CLN8: variants seen among roughly 807,000 people sequenced by gnomAD.
CLN8 encodes the protein protein CLN8.
Under a neutral mutation model 15.7 loss-of-function variants are expected in CLN8, and 14 were observed. That is an observed-to-expected ratio of 0.89 (90% CI 0.59 to 1.39). The LOEUF (loss-of-function observed/expected upper bound fraction) is 1.39. Among genes scored for constraint, CLN8 ranks in the 40% most tolerant of loss-of-function variants. The probability of loss-of-function intolerance (pLI) is 0.00; values close to 1 mark genes in which losing one functional copy is unlikely to be tolerated. For synonymous variants in CLN8, 188 were observed against 151.0 expected, an observed-to-expected ratio of 1.25 and a Z score of -1.80; for missense variants, 415 against 364.0, an observed-to-expected ratio of 1.14 and a Z score of -1.14.
upstream of CLN8, chr8:1,760,376 A>T (rs1800764663): frequency 6.6e-6 from 1 of 152,218 alleles, no homozygotes; most frequent in South Asian, 2.1e-4. Context: ...GGGAGTACAC[A>T]GGCTGTAAAC....
chr8:1,782,266 T>A lies in CLN8; in HGVS notation c.*1699T>A, dbSNP rs1318721599. 1 of 152,106 alleles carries A rather than the reference T, an allele frequency of 6.6e-6. No individual in the cohort carries two copies. Among genetic ancestry groups the A allele is most frequent in the African/African-American group, 2.4e-5 (1 of 41,400 alleles). 9.4% of individuals were successfully genotyped at this position (152,106 alleles called of 1,614,324 possible). On this transcript the variant is annotated 3_prime_UTR_variant, in exon 3 of 3. Coordinates refer to ENST00000331222, the MANE Select transcript of CLN8 (RefSeq NM_018941.4). ...TTCCAGGGATTCTCCTGCCTCACCC[T>A]TTCAAGTAGCTGGGATTACAGGTAC...
intron 2 of CLN8, among the ~76,000 whole-genome samples, chr8:1,775,399 G>A (rs1212917744): frequency 3.3e-5 from 5 of 152,094 alleles, no homozygotes; most frequent in Non-Finnish European, 5.9e-5. Flanking sequence ...TGTAACTGCC[G>A]GGCTCCAGAG....
At chr8:1,768,731 G>A (rs1360341152) in intron 1 of CLN8, among the ~76,000 whole-genome samples, 2 of 152,174 alleles carry the variant, frequency 1.3e-5, no homozygotes, top group Admixed American at 1.3e-4. Context: ...GCATTAGGCT[G>A]CACTTGAAGT....
chr8:1,756,600 A>T (rs1397973097), intron 1 of CLN8, among the ~76,000 whole-genome samples: 5 of 135,114 alleles, frequency 3.7e-5, no homozygotes, highest in African/African-American at 1.4e-4. Flanking sequence ...TTGAGTCTAT[A>T]AATTTGTTCC....
upstream of CLN8, chr8:1,763,283 G>A (rs1800855164): frequency 6.7e-6 from 1 of 150,246 alleles, no homozygotes; most frequent in Non-Finnish European, 1.5e-5. Context: ...CAGGCTGCCC[G>A]CGGAGCCCCA....
intron 2 of CLN8, chr8:1,772,878 C>T (rs969508997): frequency 1.3e-5 from 5 of 398,352 alleles, no homozygotes; most frequent in African/African-American, 8.2e-5. Context: ...AAATGTTCAG[C>T]CATTCACACA....
chr8:1,755,274 A>G (rs1486149026), upstream of CLN8, among the ~76,000 whole-genome samples: 2 of 152,170 alleles, frequency 1.3e-5, no homozygotes, highest in Non-Finnish European at 2.9e-5. Flanking sequence ...AGGTTAGTCT[A>G]TGTCATGCAT....
rs749595247 is a variant in CLN8 at position 1,780,304 on chromosome 8, A to T, written c.598A>T (p.Met200Leu). The change falls in exon 3 of 3, where the codon ATG becomes TTG. Residue 200 changes from methionine (M) to leucine (L), a missense_variant. Coordinates refer to ENST00000331222, the MANE Select transcript of CLN8 (RefSeq NM_018941.4). ...WKLNQWLMIH[M>L]FHCRMVLTYH... Reference sequence around the variant, plus strand: ...GCTCAACCAGTGGCTGATGATTCACATGTTTCACTGCCGCATGGTTCTAAC... The same window carrying T: ...GCTCAACCAGTGGCTGATGATTCACTTGTTTCACTGCCGCATGGTTCTAAC... 6.2e-7 allele frequency: 1 copy of T among 1,614,208 alleles called. No individual in the cohort carries two copies. The highest frequency in any genetic ancestry group is 8.5e-7 in the Non-Finnish European group (1 of 1,180,040).
At position 1,768,465 on chromosome 8, in the gene CLN8, G is replaced by C. The variant is rs954557567; in HGVS notation, c.-123-2467G>C. Among the ~76,000 whole-genome samples the C allele has an allele frequency of 2.0e-5, 3 of 152,308 alleles. No homozygotes were observed. In the East Asian group the frequency reaches 5.8e-4, roughly 29 times the overall value. ...GGAGTCGGGGTTTCTCTCGTCTCAA[G>C]GCAGAGGTCCTACAGAAGTTAGTGG... is the stretch of plus-strand genomic sequence containing the variant. On this transcript the variant is annotated intron_variant, in intron 1 of 2. Coordinates refer to ENST00000331222, the MANE Select transcript of CLN8 (RefSeq NM_018941.4).
intron 2 of CLN8, chr8:1,779,829 C>G: frequency 2.5e-6 from 1 of 395,680 alleles, no homozygotes; most frequent in Non-Finnish European, 3.4e-6. Context: ...CCCCCATGAC[C>G]TCATCACTTC....
In CLN8 at chr8:1,771,338, A is replaced by G. The variant is rs1432496931; in HGVS notation, c.284A>G (p.Lys95Arg). 8.7e-6 allele frequency: 14 copies of G among 1,614,100 alleles called. No homozygotes were observed. The African/African-American group carries it at 9.3e-5, about 11-fold the overall frequency. ...LLGDPVLHAD[K>R]ARGQQNWCWF... ...GGGGACCCTGTGCTGCATGCCGACA[A>G]GGCGCGTGGCCAGCAGAACTGGTGC... Residue 95 changes from lysine to arginine, a missense_variant, in exon 2 of 3, where the codon AAG becomes AGG. Coordinates refer to ENST00000331222, the MANE Select transcript of CLN8 (RefSeq NM_018941.4).
At chr8:1,769,410 A>C (rs773574779) in intron 1 of CLN8, among the ~76,000 whole-genome samples, 1 of 152,074 alleles carries the variant, frequency 6.6e-6, no homozygotes, top group East Asian at 1.9e-4. Flanking sequence ...CTGTCTCACA[A>C]TTGAGTCAAT....
upstream of CLN8, chr8:1,755,747 C>A (rs1800655218): frequency 6.6e-6 from 1 of 152,208 alleles, no homozygotes; most frequent in Admixed American, 6.5e-5. Flanking sequence ...TACACCCTCT[C>A]TTCATGCTGA....
At position 1,780,178 on chromosome 8, in the gene CLN8, C is replaced by G. The variant is rs1801666337; in HGVS notation, c.544-72C>G. On this transcript the variant is annotated intron_variant, in intron 2 of 2. Transcript: ENST00000331222. ...TGTTTGGTAAGTAAGGTAGCAAATA[C>G]CTTTTTGTGATGTGAAGAATGAATT... The G allele has an allele frequency of 2.5e-6, 4 of 1,613,302 alleles. No homozygotes were observed. The South Asian group carries it at 4.4e-5, about 18-fold the overall frequency.
chr8:1,763,269 C>A (rs1800854317), upstream of CLN8: 1 of 151,916 alleles, frequency 6.6e-6, no homozygotes, highest in African/African-American at 2.4e-5. Context: ...GGGTGCAGCG[C>A]AACCAGGCTG....
upstream of CLN8, among the ~76,000 whole-genome samples, chr8:1,761,129 C>T (rs1400582137): frequency 6.7e-6 from 1 of 148,614 alleles, no homozygotes; most frequent in Non-Finnish European, 1.5e-5. Flanking sequence ...AGGCAATTCT[C>T]CTGCCTCAGC....
intron 1 of CLN8, among the ~76,000 whole-genome samples, chr8:1,769,263 G>A (rs1801204777): frequency 6.6e-6 from 1 of 152,212 alleles, no homozygotes; most frequent in African/African-American, 2.4e-5. Context: ...CACATTCTTT[G>A]CATGCTTGTG....
intron 1 of CLN8, chr8:1,764,636 G>C (rs1006169331): frequency 6.5e-6 from 1 of 153,064 alleles, no homozygotes; most frequent in Admixed American, 6.5e-5. Flanking sequence ...GGAGCGGGGA[G>C]GGACGCTGGG....
chr8:1,755,075 G>C (rs935327795), upstream of CLN8, among the ~76,000 whole-genome samples: 1 of 152,080 alleles, frequency 6.6e-6, no homozygotes, highest in Non-Finnish European at 1.5e-5. Context: ...GGCCACTTCA[G>C]GTTGAGTCTA....
Sources: gnomAD v4.1 joint callset for allele counts (sites outside exome capture counted in the v4.1 genomes callset) on GRCh38, gnomAD v4.1.1 for gene constraint, MANE v1.5 for transcripts, NCBI Gene and HGNC (gene_info 2026-07-23, HGNC 2026-07-21) for gene names.